MAPK6: variants seen among roughly 807,000 people sequenced by gnomAD.
MAPK6 encodes mitogen-activated protein kinase 6, also known as ERK-3.
Under a neutral mutation model 59.3 loss-of-function variants are expected in MAPK6, and 19 were observed. That is an observed-to-expected ratio of 0.32 (90% confidence interval 0.22 to 0.47). The LOEUF (loss-of-function observed/expected upper bound fraction) is 0.47, where lower values mean the gene tolerates loss of function less well. Among genes scored for constraint, MAPK6 ranks in the 20% least tolerant of loss-of-function variants. MAPK6 has a pLI of 1.00. For missense variants in MAPK6, 724 were observed against 847.9 expected (o/e 0.85, Z 1.81); for synonymous variants, 316 against 290.3 (o/e 1.09, Z -0.90).
intron 3 of MAPK6, among the ~76,000 whole-genome samples, chr15:52,053,964 A>C (rs912536800): frequency 2.0e-5 from 3 of 151,986 alleles, no homozygotes; most frequent in Admixed American, 6.6e-5. Context: ...TCTGAAGTCC[A>C]GTTACCTTTT....
chr15:51,987,573 T>G (rs2057194698), intron 2 of MAPK6, among the ~76,000 whole-genome samples: 1 of 151,952 alleles, frequency 6.6e-6, no homozygotes. Context: ...GAGCTGAGAC[T>G]GCACCACTGC....
At chr15:52,056,924 C>T (rs2032006971) in intron 3 of MAPK6, 1 of 152,232 alleles carries the variant, frequency 6.6e-6, no homozygotes, top group African/African-American at 2.4e-5. Context: ...TCAATATCTC[C>T]ACTCAGATGT....
chr15:51,979,967 T>C (rs543298891), intron 1 of MAPK6, among the ~76,000 whole-genome samples: 12 of 151,644 alleles, frequency 7.9e-5, no homozygotes, highest in Non-Finnish European at 1.5e-4. Flanking sequence ...ACCTTTTGAA[T>C]TTTGTACCAA....
intron 1 of MAPK6, among the ~76,000 whole-genome samples, chr15:52,042,409 C>A (rs1304235888): frequency 6.6e-6 from 1 of 152,186 alleles, no homozygotes; most frequent in African/African-American, 2.4e-5. Context: ...GTAGGCAAAG[C>A]TCCTACCTTC....
intron 1 of MAPK6, among the ~76,000 whole-genome samples, chr15:52,044,192 G>C (rs564420079): frequency 2.2e-4 from 34 of 152,020 alleles, no homozygotes; most frequent in Non-Finnish European, 4.4e-4. Context: ...GGGCGGGCTA[G>C]GAGGGCTGAT....
At chr15:51,972,581 T>C (rs1037365031) in intron 1 of MAPK6, among the ~76,000 whole-genome samples, 1 of 148,782 alleles carries the variant, frequency 6.7e-6, no homozygotes, top group Non-Finnish European at 1.5e-5. Context: ...CCCAGCACTT[T>C]GGGAGGCCGA....
At chr15:52,016,070 G>GCGCGCACA, upstream of MAPK6, among the ~76,000 whole-genome samples, 1,926 of 55,336 alleles carry the variant, frequency 0.035, 98 homozygotes, top group Middle Eastern at 0.042. Context: ...GCGCGCGCGC[G>GCGCGCACA]CACACACACA....
chr15:52,015,624 C>T (rs1171539089), upstream of MAPK6, among the ~76,000 whole-genome samples: 1 of 150,926 alleles, frequency 6.6e-6, no homozygotes, highest in Non-Finnish European at 1.5e-5. Context: ...TGGCGCACGC[C>T]ACCACGCCCG....
At chr15:51,992,305 A>ATATATATATAT (rs572519819) in intron 2 of MAPK6, among the ~76,000 whole-genome samples, 1 of 101,424 alleles carries the variant, frequency 9.9e-6, no homozygotes. Context: ...ATATATATAT[A>ATATATATATAT]TTTTTTTTTT....
At chr15:52,058,851 C>T (rs1186695133) in intron 4 of MAPK6, 54 bp downstream of exon 4, 16 of 1,483,414 alleles carry the variant, frequency 1.1e-5, no homozygotes, top group Non-Finnish European at 1.4e-5. Context: ...GAGGCAGAAT[C>T]TGTGTAGGGA....
chr15:52,056,485 C>T (rs1030310714), intron 3 of MAPK6, among the ~76,000 whole-genome samples: 1 of 152,244 alleles, frequency 6.6e-6, no homozygotes, highest in Non-Finnish European at 1.5e-5. Flanking sequence ...TACATTCTGT[C>T]TTTCACCCTG....
intron 2 of MAPK6, among the ~76,000 whole-genome samples, chr15:52,002,095 C>T (rs949229736): frequency 5.3e-5 from 8 of 152,188 alleles, no homozygotes; most frequent in African/African-American, 1.7e-4. Context: ...GACCCTCTGG[C>T]GAAAGCTTTC....
chr15:51,975,011 C>G (rs1051274177), intron 1 of MAPK6, among the ~76,000 whole-genome samples: 16 of 151,610 alleles, frequency 1.1e-4, no homozygotes, highest in African/African-American at 3.1e-4. Flanking sequence ...GCCACCGCAC[C>G]AGGCCTGAGA....
In MAPK6 at chr15:51,974,632, C is replaced by G. The variant is rs1207099759; in HGVS notation, c.-880+2726C>G. 7.6e-5 allele frequency among the ~76,000 whole-genome samples: 10 copies of G among 131,572 alleles called. No individual in the cohort carries two copies. The East Asian group carries it at 2.2e-3, about 29-fold the overall frequency. 86.3% of individuals were successfully genotyped at this position (131,572 alleles called of 152,430 possible). ...TGAGATCACGCCACTGCACCCGAGC[C>G]TGGGAGACAGAGCGAGACTCCGTCT... On this transcript the variant is annotated intron_variant, in intron 1 of 7. Coordinates refer to the MAPK6 transcript ENST00000691380.
chr15:51,972,429 A>T, intron 1 of MAPK6, among the ~76,000 whole-genome samples: 1 of 101,678 alleles, frequency 9.8e-6, no homozygotes, highest in East Asian at 2.7e-4. Context: ...ACGGGTATTG[A>T]TATTTACTGT....
Position 52,064,769 on chromosome 15 carries a change from G to C in MAPK6, c.1935G>C (p.Glu645Asp). Residue 645 changes from glutamate (E) to aspartate (D), a missense_variant, in exon 6 of 6, where the codon GAG (glutamate) becomes GAC (aspartate). By Grantham distance (45) the Glu-to-Asp change is conservative. This residue lies in a region of MAPK6 where 502 missense variants were observed against 507.6 expected (regional missense o/e 0.99). Coordinates refer to ENST00000261845, the MANE Select transcript of MAPK6 (RefSeq NM_002748.4). ...RKEDTEMLET[E>D]PVEDGKLGER... ...AAGATACTGAAATGCTAGAAACTGA[G>C]CCAGTAGAGGATGGGAAGCTTGGGG... 1 of 1,611,884 alleles carries C rather than the reference G, an allele frequency of 6.2e-7. No individual in the cohort carries two copies.
chr15:52,038,673 C>T (rs1255806523), intron 1 of MAPK6, among the ~76,000 whole-genome samples: 1 of 152,124 alleles, frequency 6.6e-6, no homozygotes, highest in African/African-American at 2.4e-5. Context: ...CACATGTCTC[C>T]TGTCCTATAT....
At chr15:52,047,140 T>G in intron 2 of MAPK6, 125 bp downstream of exon 2, 1 of 573,768 alleles carries the variant, frequency 1.7e-6, no homozygotes, top group Non-Finnish European at 2.8e-6. Flanking sequence ...CATAGTGCCT[T>G]TTTTCTGAAA....
intron 1 of MAPK6, among the ~76,000 whole-genome samples, chr15:52,031,260 ATACTC>A (rs1359546467): frequency 6.6e-6 from 1 of 152,158 alleles, no homozygotes; most frequent in Non-Finnish European, 1.5e-5. Flanking sequence ...TATAGGAAAT[ATACTC>A]TACTCAAAAG....
Sources: allele counts gnomAD v4.1 joint callset (sites outside exome capture counted in the v4.1 genomes callset), GRCh38; gene constraint gnomAD v4.1.1; regional missense constraint gnomAD v4.1.1; transcripts MANE v1.5; gene names NCBI Gene and HGNC (gene_info 2026-07-23, HGNC 2026-07-21).